The following AGTPBP1 variants were observed in gnomAD, a reference collection of about 807,000 sequenced individuals.
AGTPBP1 encodes the protein ATP/GTP binding carboxypeptidase 1, also known as cytosolic carboxypeptidase 1.
A neutral mutation model predicts 143.9 loss-of-function variants in AGTPBP1; 70 were observed. The ratio of observed to expected loss-of-function variants is 0.49; its 90% CI spans 0.40 to 0.59. The LOEUF (loss-of-function observed/expected upper bound fraction) is 0.59, where lower values mean the gene tolerates loss of function less well. Ranked by LOEUF, AGTPBP1 falls within the 20% of genes least tolerant of loss-of-function variation. AGTPBP1 has a pLI of 0.00. For synonymous variants in AGTPBP1, 463 were observed against 500.2 expected, an observed-to-expected ratio of 0.93 and a Z score of 0.99; for missense variants, 1,229 against 1,464.5, an observed-to-expected ratio of 0.84 and a Z score of 2.62.
chr9:85,682,172 T>TAAAAAAAAA (rs745339958), intron 3 of AGTPBP1, among the ~76,000 whole-genome samples: 2 of 85,830 alleles, frequency 2.3e-5, no homozygotes, highest in African/African-American at 4.4e-5. Flanking sequence ...TAGGATTGGT[T>TAAAAAAAAA]AAAAAAAAAA....
In AGTPBP1 at chr9:85,738,608, T is replaced by G. The variant is rs182272690; in HGVS notation, c.-34+3167A>C. Among the ~76,000 whole-genome samples the G allele has an allele frequency of 5.3e-5, 8 of 152,208 alleles. No individual in the cohort carries two copies. In the South Asian group the frequency reaches 1.7e-3, roughly 32 times the overall value. On this transcript the variant is annotated intron_variant, in intron 1 of 25. Transcript: ENST00000357081. ...AACTCAAAAACAGATGATTAAAAGA[T>G]TAAAATAGCAGCCATCACCAACAGG...
intron 11 of AGTPBP1, among the ~76,000 whole-genome samples, chr9:85,654,107 C>T (rs1833340645): frequency 6.6e-6 from 1 of 151,904 alleles, no homozygotes; most frequent in African/African-American, 2.4e-5. Context: ...AATATAATTC[C>T]TTGAAAATTC....
chr9:85,572,548 A>G (rs987122449), intron 25 of AGTPBP1, among the ~76,000 whole-genome samples: 2 of 152,212 alleles, frequency 1.3e-5, no homozygotes, highest in Non-Finnish European at 2.9e-5. Context: ...ATAGCAGTAC[A>G]TGTGATTTCT....
chr9:85,750,922 CCA>C, the AGTPBP1 span, among the ~76,000 whole-genome samples: 2 of 152,190 alleles, frequency 1.3e-5, no homozygotes, highest in Non-Finnish European at 2.9e-5. Flanking sequence ...AGCCAGTTCC[CCA>C]CAGTGACTAC....
intron 14 of AGTPBP1, among the ~76,000 whole-genome samples, chr9:85,629,459 G>C (rs1336838721): frequency 6.6e-6 from 1 of 152,202 alleles, no homozygotes; most frequent in Non-Finnish European, 1.5e-5. Context: ...GGCTCAGTCA[G>C]GGAGAGAGAG....
At chr9:85,804,862 C>T in the AGTPBP1 span, among the ~76,000 whole-genome samples, 2 of 152,200 alleles carry the variant, frequency 1.3e-5, no homozygotes, top group Admixed American at 1.3e-4. Flanking sequence ...AGGACCATCC[C>T]TACTTCATTG....
intron 17 of AGTPBP1, among the ~76,000 whole-genome samples, chr9:85,611,327 C>T (rs1830306122): frequency 6.7e-6 from 1 of 150,306 alleles, no homozygotes; most frequent in South Asian, 2.1e-4. Flanking sequence ...TATTAAAAGA[C>T]AAATGATCAA....
chr9:85,759,888 GA>G, the AGTPBP1 span, among the ~76,000 whole-genome samples: 11 of 152,110 alleles, frequency 7.2e-5, 1 homozygote, highest in South Asian at 2.3e-3. Flanking sequence ...TAATAAAGAA[GA>G]AAAGAGAGAA....
At chr9:85,574,463 CAAAAAAAA>C (rs4011699) in intron 25 of AGTPBP1, among the ~76,000 whole-genome samples, 1 of 116,132 alleles carries the variant, frequency 8.6e-6, no homozygotes, top group Non-Finnish European at 1.9e-5. Context: ...CAAGAATGAT[CAAAAAAAA>C]AAAAAAAAAA....
At chr9:85,565,716 A>C (rs1418215959) in intron 25 of AGTPBP1, among the ~76,000 whole-genome samples, 2 of 152,122 alleles carry the variant, frequency 1.3e-5, no homozygotes, top group African/African-American at 4.8e-5. Context: ...TTCCATATTC[A>C]TCATTATGAC....
chr9:85,749,424 A>G, the AGTPBP1 span, among the ~76,000 whole-genome samples: 1 of 152,206 alleles, frequency 6.6e-6, no homozygotes, highest in South Asian at 2.1e-4. Context: ...TCCTCTACTT[A>G]ATGCAAAAAC....
the AGTPBP1 span, among the ~76,000 whole-genome samples, chr9:85,773,558 G>A: frequency 6.6e-6 from 1 of 151,416 alleles, no homozygotes; most frequent in African/African-American, 2.4e-5. Flanking sequence ...GGTTGGTCTC[G>A]AACTCCTCAC....
chr9:85,555,892 T>C (rs986542263), intron 25 of AGTPBP1, among the ~76,000 whole-genome samples: 1 of 152,084 alleles, frequency 6.6e-6, no homozygotes, highest in Admixed American at 6.5e-5. Flanking sequence ...AAAGTAAATA[T>C]AAGTGAATGT....
chr9:85,575,493 T>G lies in AGTPBP1; in HGVS notation c.3343-18A>C, dbSNP rs763533723. ...TGTAAACCCTTGAAATAAACAAATATTATGCATATAATTACAAAGTTTGCT... is the reference window on the plus strand; with the variant it reads ...TGTAAACCCTTGAAATAAACAAATAGTATGCATATAATTACAAAGTTTGCT... On this transcript the variant is annotated intron_variant, in intron 24 of 25. Transcript: ENST00000357081. 7 of 1,582,662 alleles carry G rather than the reference T, an allele frequency of 4.4e-6. No individual in the cohort carries two copies. Among genetic ancestry groups the G allele is most frequent in the African/African-American group, 1.4e-5 (1 of 73,344 alleles).
At position 85,692,714 on chromosome 9, in the gene AGTPBP1, T is replaced by G; in HGVS notation, c.132A>C (p.Lys44Asn). The G allele has an allele frequency of 6.2e-7, 1 of 1,613,896 alleles. No individual in the cohort carries two copies. The highest frequency in any genetic ancestry group is 8.5e-7 in the Non-Finnish European group (1 of 1,179,932). ...ESDTARYVTS[K>N]ILHLAQSQEK... ...CTTGACTCTGAGCCAGATGAAGAATTTTTGATGTAACATATCGGGCAGTGT... is the reference window on the plus strand; with the variant it reads ...CTTGACTCTGAGCCAGATGAAGAATGTTTGATGTAACATATCGGGCAGTGT... The change falls in exon 3 of 26, where the codon AAA becomes AAC. Residue 44 changes from lysine (K) to asparagine (N), a missense_variant. Lys to Asn is a moderately conservative substitution (Grantham distance 94, BLOSUM62 0). Coordinates refer to ENST00000357081, the MANE Select transcript of AGTPBP1 (RefSeq NM_001330701.2).
intron 11 of AGTPBP1, among the ~76,000 whole-genome samples, chr9:85,653,601 T>C (rs546794763): frequency 6.6e-6 from 1 of 152,258 alleles, no homozygotes; most frequent in East Asian, 1.9e-4. Context: ...AGAACCACCA[T>C]TTAACCCCCA....
upstream of AGTPBP1, among the ~76,000 whole-genome samples, chr9:85,742,654 A>T (rs1824441854): frequency 6.6e-6 from 1 of 152,168 alleles, no homozygotes; most frequent in Non-Finnish European, 1.5e-5. Flanking sequence ...ATATAATCAA[A>T]ACGGTAATGC....
chr9:85,755,907 A>G, the AGTPBP1 span: 1 of 494,620 alleles, frequency 2.0e-6, no homozygotes, highest in Admixed American at 3.9e-5. Flanking sequence ...CATCTTGACT[A>G]GAACCACTGA....
chr9:85,588,600 C>T (rs1316021744), intron 20 of AGTPBP1, 122 bp from the exon 21 acceptor site: 4 of 958,394 alleles, frequency 4.2e-6, no homozygotes, highest in Non-Finnish European at 6.2e-6. Flanking sequence ...TAATAGAACC[C>T]AATGGTGCAT....
Sources: allele counts gnomAD v4.1 joint callset (sites outside exome capture counted in the v4.1 genomes callset), GRCh38; gene constraint gnomAD v4.1.1; transcripts MANE v1.5; gene names NCBI Gene and HGNC (gene_info 2026-07-23, HGNC 2026-07-21).